Variants in ATG5 observed in about 807,000 individuals in gnomAD.
ATG5 encodes the protein autophagy related 5.
Under a neutral mutation model 36.5 loss-of-function variants are expected in ATG5, and 14 were observed. The ratio of observed to expected loss-of-function variants is 0.38; its 90% confidence interval spans 0.25 to 0.60. The LOEUF is 0.60. Among genes scored for constraint, ATG5 ranks in the 20% least tolerant of loss-of-function variants. The pLI is 0.60. For synonymous variants in ATG5, 95 were observed against 101.5 expected (o/e 0.94, Z 0.38); for missense variants, 195 against 326.7 (o/e 0.60, Z 3.11).
chr6:106,246,577 T>C (rs1464221089), intron 6 of ATG5, among the ~76,000 whole-genome samples: 1 of 152,082 alleles, frequency 6.6e-6, no homozygotes, highest in Non-Finnish European at 1.5e-5. Context: ...ATTCTGACAA[T>C]AATAATTCCT....
intron 4 of ATG5, among the ~76,000 whole-genome samples, chr6:106,290,547 G>A (rs1221229842): frequency 1.3e-5 from 2 of 152,006 alleles, no homozygotes; most frequent in Non-Finnish European, 2.9e-5. Flanking sequence ...AAACTTCTGG[G>A]CTCAAGCAAT....
chr6:106,300,490 A>G (rs1021066891), intron 3 of ATG5, among the ~76,000 whole-genome samples: 72 of 152,292 alleles, frequency 4.7e-4, no homozygotes, highest in African/African-American at 1.7e-3. Flanking sequence ...ATCAACATCA[A>G]TACAGCCATG....
intron 3 of ATG5, among the ~76,000 whole-genome samples, chr6:106,307,805 G>C (rs1770505790): frequency 6.6e-6 from 1 of 151,974 alleles, no homozygotes; most frequent in Non-Finnish European, 1.5e-5. Flanking sequence ...CAAAGTGCTG[G>C]GATTCGTGTA....
chr6:106,260,931 CT>C (rs1778994929), intron 5 of ATG5, among the ~76,000 whole-genome samples: 1 of 152,134 alleles, frequency 6.6e-6, no homozygotes, highest in Non-Finnish European at 1.5e-5. Context: ...GCTTGACATT[CT>C]CAATACAAAT....
intron 6 of ATG5, among the ~76,000 whole-genome samples, chr6:106,218,329 T>C (rs957068345): frequency 6.6e-6 from 1 of 152,176 alleles, no homozygotes; most frequent in Non-Finnish European, 1.5e-5. Context: ...TAATTTTATT[T>C]AAGGCTCCAA....
In ATG5 at chr6:106,292,971, G is replaced by C. The variant is rs1230976237; in HGVS notation, c.315+57C>G. ...TTCACTTAAAAAGAAAATTCTACTC[G>C]AAGTCTATTTATTATGTATCACAAA... is the stretch of plus-strand genomic sequence containing the variant. On this transcript the variant is annotated intron_variant, in intron 4 of 7. Transcript: ENST00000369076. The C allele has an allele frequency of 2.2e-6, 3 of 1,368,612 alleles. No individual in the cohort carries two copies. The South Asian group carries it at 3.9e-5, about 18-fold the overall frequency. 84.8% of individuals were successfully genotyped at this position (1,368,612 alleles called of 1,614,324 possible).
intron 5 of ATG5, among the ~76,000 whole-genome samples, chr6:106,274,069 G>C (rs1779552240): frequency 6.6e-6 from 1 of 152,144 alleles, no homozygotes; most frequent in Admixed American, 6.5e-5. Flanking sequence ...TTTATTTGCA[G>C]GTCTACAGAA....
intron 5 of ATG5, among the ~76,000 whole-genome samples, chr6:106,251,482 C>T (rs1322673941): frequency 6.7e-6 from 1 of 149,534 alleles, no homozygotes; most frequent in African/African-American, 2.5e-5. Context: ...GCTTAACCCA[C>T]TGATTAGGCC....
At chr6:106,296,786 C>G (rs1381800250) in intron 3 of ATG5, among the ~76,000 whole-genome samples, 1 of 152,032 alleles carries the variant, frequency 6.6e-6, no homozygotes, top group Non-Finnish European at 1.5e-5. Flanking sequence ...ACACTGCACT[C>G]CAGCCTAGGC....
At chr6:106,192,624 T>A (rs1041767895) in intron 7 of ATG5, among the ~76,000 whole-genome samples, 1 of 152,160 alleles carries the variant, frequency 6.6e-6, no homozygotes, top group Non-Finnish European at 1.5e-5. Context: ...AAATATGGAG[T>A]AGAAGTCTAA....
chr6:106,280,116 T>G (rs535229163), intron 4 of ATG5, among the ~76,000 whole-genome samples: 6 of 152,090 alleles, frequency 3.9e-5, no homozygotes, highest in Admixed American at 3.3e-4. Context: ...GGCAAAGATG[T>G]GGAATGGAGC....
chr6:106,308,227 C>G (rs1386956194), intron 3 of ATG5, 137 bp downstream of exon 3: 2 of 662,344 alleles, frequency 3.0e-6, no homozygotes. Flanking sequence ...TAGTAATAGT[C>G]TAAACTTCAC....
chr6:106,297,395 A>C (rs1280061122), intron 3 of ATG5, among the ~76,000 whole-genome samples: 1 of 152,188 alleles, frequency 6.6e-6, no homozygotes, highest in African/African-American at 2.4e-5. Flanking sequence ...TGATTCACAT[A>C]AAAAAGAAAA....
intron 6 of ATG5, among the ~76,000 whole-genome samples, chr6:106,206,907 G>C (rs1291508109): frequency 6.6e-6 from 1 of 152,178 alleles, no homozygotes; most frequent in Non-Finnish European, 1.5e-5. Flanking sequence ...AAATAGGAAT[G>C]CTGTAAACGT....
At chr6:106,197,513 GT>G (rs1366303874) in intron 7 of ATG5, among the ~76,000 whole-genome samples, 10 of 82,556 alleles carry the variant, frequency 1.2e-4, no homozygotes, top group African/African-American at 4.8e-4. Context: ...CTAATGGGAG[GT>G]ATTTGGGTTG....
chr6:106,236,876 C>A (rs1268002105), intron 6 of ATG5, among the ~76,000 whole-genome samples: 1 of 152,152 alleles, frequency 6.6e-6, no homozygotes, highest in East Asian at 1.9e-4. Context: ...GCACATAGAA[C>A]TGTGCTTGCC....
At chr6:106,317,992 T>C (rs1770919585) in intron 1 of ATG5, among the ~76,000 whole-genome samples, 1 of 152,192 alleles carries the variant, frequency 6.6e-6, no homozygotes, top group Admixed American at 6.5e-5. Context: ...ATTCACCTTT[T>C]GATGATGAAG....
At chr6:106,277,421 A>C (rs538180386) in intron 5 of ATG5, among the ~76,000 whole-genome samples, 2 of 152,384 alleles carry the variant, frequency 1.3e-5, no homozygotes, top group South Asian at 4.1e-4. Flanking sequence ...AGTTAAAACT[A>C]AGCAAAGTGA....
intron 6 of ATG5, among the ~76,000 whole-genome samples, chr6:106,233,848 T>C (rs540335891): frequency 6.6e-6 from 1 of 152,208 alleles, no homozygotes; most frequent in East Asian, 1.9e-4. Context: ...CATGCTGCTG[T>C]ACAACCAGCA....
Sources: allele counts gnomAD v4.1 joint callset (sites outside exome capture counted in the v4.1 genomes callset), GRCh38; gene constraint gnomAD v4.1.1; transcripts MANE v1.5; gene names NCBI Gene and HGNC (gene_info 2026-07-23, HGNC 2026-07-21).